Variants in GRID2 observed in about 807,000 individuals in gnomAD.
GRID2 encodes the protein glutamate receptor ionotropic, delta-2.
Under a neutral mutation model 114.8 loss-of-function variants are expected in GRID2, and 33 were observed. The ratio of observed to expected loss-of-function variants is 0.29; its 90% CI spans 0.22 to 0.38. The LOEUF is 0.38. GRID2 is among the 10% of genes least tolerant of loss of function. GRID2 has a pLI of 1.00. For missense variants in GRID2, 1,184 were observed against 1,257.7 expected, an observed-to-expected ratio of 0.94 and a Z score of 0.89; for synonymous variants, 505 against 449.9, an observed-to-expected ratio of 1.12 and a Z score of -1.55.
At chr4:93,601,406 C>G (rs572792938) in intron 13 of GRID2, among the ~76,000 whole-genome samples, 8 of 152,122 alleles carry the variant, frequency 5.3e-5, no homozygotes, top group Non-Finnish European at 1.0e-4. Context: ...TTATTCTTCA[C>G]TTCTATTCTT....
intron 8 of GRID2, among the ~76,000 whole-genome samples, chr4:93,287,733 A>T (rs1753332619): frequency 6.6e-6 from 1 of 152,222 alleles, no homozygotes; most frequent in Non-Finnish European, 1.5e-5. Context: ...TTGTTTAACT[A>T]GGAAAGGCTA....
intron 2 of GRID2, among the ~76,000 whole-genome samples, chr4:92,622,290 T>A (rs1187950493): frequency 6.6e-6 from 1 of 151,754 alleles, no homozygotes; most frequent in Non-Finnish European, 1.5e-5. Context: ...TAGATATGGA[T>A]GTTGCTTTAC....
intron 2 of GRID2, among the ~76,000 whole-genome samples, chr4:93,071,079 G>T (rs1728767667): frequency 6.6e-6 from 1 of 151,990 alleles, no homozygotes; most frequent in African/African-American, 2.4e-5. Flanking sequence ...TGTGCATAGG[G>T]AATGCCAAAC....
At chr4:93,128,641 G>A (rs980907865) in intron 4 of GRID2, among the ~76,000 whole-genome samples, 29 of 152,248 alleles carry the variant, frequency 1.9e-4, no homozygotes, top group Non-Finnish European at 1.5e-4. Context: ...GTCCTAATCA[G>A]GGCTAAGAAG....
chr4:93,368,554 C>T (rs1360058605), intron 8 of GRID2, among the ~76,000 whole-genome samples: 1 of 152,110 alleles, frequency 6.6e-6, no homozygotes, highest in African/African-American at 2.4e-5. Context: ...TCTCCCCACT[C>T]CCACCTCTCC....
At chr4:92,346,263 A>G (rs997409010) in intron 1 of GRID2, among the ~76,000 whole-genome samples, 2 of 152,266 alleles carry the variant, frequency 1.3e-5, no homozygotes, top group Middle Eastern at 3.4e-3. Flanking sequence ...TAGGGACACA[A>G]GTCTGAGAAA....
chr4:93,082,256 C>A (rs1729935751), intron 2 of GRID2, among the ~76,000 whole-genome samples: 1 of 152,196 alleles, frequency 6.6e-6, no homozygotes, highest in South Asian at 2.1e-4. Context: ...AAAACAATCT[C>A]AAATTGAGCT....
intron 2 of GRID2, among the ~76,000 whole-genome samples, chr4:92,888,364 A>G (rs1746518271): frequency 6.6e-6 from 1 of 152,138 alleles, no homozygotes; most frequent in African/African-American, 2.4e-5. Context: ...TTATATAATT[A>G]TTTGGCTATT....
intron 1 of GRID2, among the ~76,000 whole-genome samples, chr4:92,309,259 A>G (rs958401988): frequency 3.9e-5 from 6 of 152,018 alleles, no homozygotes; most frequent in African/African-American, 1.4e-4. Flanking sequence ...ATTTTATCTT[A>G]AAGGGCCATT....
At chr4:92,747,010 T>G (rs1276861811) in intron 2 of GRID2, among the ~76,000 whole-genome samples, 1 of 152,036 alleles carries the variant, frequency 6.6e-6, no homozygotes, top group East Asian at 1.9e-4. Context: ...ACTAAACATA[T>G]AGAGAATTGA....
chr4:93,379,117 C>T lies in GRID2; in HGVS notation c.1246-16490C>T, dbSNP rs190760204. Among the ~76,000 whole-genome samples the T allele has an allele frequency of 3.3e-5, 5 of 152,094 alleles. No homozygotes were observed. The East Asian group carries it at 7.8e-4, about 24-fold the overall frequency. On this transcript the variant is annotated intron_variant, in intron 8 of 15. Transcript: ENST00000282020. ...AGGATATGATTTGCCACTAAGCAAA[C>T]TCTATGAAAAAGAATTGTGTTTTCA...
At chr4:92,857,799 C>A (rs1447223822) in intron 2 of GRID2, among the ~76,000 whole-genome samples, 1 of 152,156 alleles carries the variant, frequency 6.6e-6, no homozygotes, top group Non-Finnish European at 1.5e-5. Context: ...GATAAACATG[C>A]TATCTAGGAC....
intron 9 of GRID2, among the ~76,000 whole-genome samples, chr4:93,399,983 A>C (rs1765718392): frequency 6.6e-6 from 1 of 152,116 alleles, no homozygotes; most frequent in Admixed American, 6.6e-5. Context: ...TCCTTATAAA[A>C]TTTCATATGA....
intron 2 of GRID2, among the ~76,000 whole-genome samples, chr4:92,946,833 C>G (rs1270474016): frequency 6.6e-6 from 1 of 152,006 alleles, no homozygotes; most frequent in Non-Finnish European, 1.5e-5. Context: ...TTCAATAGGC[C>G]TGCATGAAAG....
At chr4:93,260,694 C>T (rs1750159496) in intron 8 of GRID2, among the ~76,000 whole-genome samples, 1 of 151,764 alleles carries the variant, frequency 6.6e-6, no homozygotes, top group African/African-American at 2.4e-5. Context: ...TTGTACCCAA[C>T]GTTCATAAAT....
chr4:93,136,619 T>TA, intron 4 of GRID2, among the ~76,000 whole-genome samples: 1 of 152,288 alleles, frequency 6.6e-6, no homozygotes, highest in South Asian at 2.1e-4. Context: ...ATAATTTCAA[T>TA]AAATTGTATA....
chr4:92,316,888 T>C (rs924313386), intron 1 of GRID2, among the ~76,000 whole-genome samples: 2 of 152,204 alleles, frequency 1.3e-5, no homozygotes, highest in Non-Finnish European at 2.9e-5. Context: ...ATTGTAGCTA[T>C]AGGCTACAAA....
At chr4:92,713,770 T>C (rs146860029) in intron 2 of GRID2, among the ~76,000 whole-genome samples, 3,013 of 151,898 alleles carry the variant, frequency 0.02, 116 homozygotes, top group African/African-American at 0.069. Flanking sequence ...ATGAGACTTA[T>C]TCACTATCAT....
intron 2 of GRID2, among the ~76,000 whole-genome samples, chr4:93,069,536 T>C (rs1440271445): frequency 3.9e-5 from 6 of 151,958 alleles, no homozygotes; most frequent in Non-Finnish European, 8.8e-5. Flanking sequence ...AAAGTAAAAA[T>C]GTCTGATAAT....
Sources: gnomAD v4.1 joint callset for allele counts (sites outside exome capture counted in the v4.1 genomes callset) on GRCh38, gnomAD v4.1.1 for gene constraint, MANE v1.5 for transcripts, NCBI Gene and HGNC (gene_info 2026-07-23, HGNC 2026-07-21) for gene names.